The following SLX4IP variants were observed in gnomAD, a reference collection of about 807,000 sequenced individuals.
SLX4IP encodes the protein SLX4 interacting protein, also known as protein SLX4IP.
Under a neutral mutation model 32.9 loss-of-function variants are expected in SLX4IP, and 34 were observed. The ratio of observed to expected loss-of-function variants is 1.03; its 90% CI spans 0.79 to 1.38. The LOEUF is 1.38. Among genes scored for constraint, SLX4IP ranks in the 40% most tolerant of loss-of-function variants. SLX4IP has a pLI of 0.00. For synonymous variants in SLX4IP, 172 were observed against 171.7 expected (o/e 1.00, Z -0.01); for missense variants, 444 against 479.0 (o/e 0.93, Z 0.68).
intron 2 of SLX4IP, among the ~76,000 whole-genome samples, chr20:10,532,199 T>C (rs2065995645): frequency 6.6e-6 from 1 of 152,140 alleles, no homozygotes; most frequent in Non-Finnish European, 1.5e-5. Flanking sequence ...CTTTCATCTG[T>C]ATTTAATTTA....
chr20:10,491,217 G>T (rs941919487), intron 2 of SLX4IP, among the ~76,000 whole-genome samples: 2 of 152,086 alleles, frequency 1.3e-5, no homozygotes, highest in Non-Finnish European at 1.5e-5. Flanking sequence ...TACTTATTTC[G>T]CAGTTTAAAC....
chr20:10,592,622 CTTTTTTTTTTTTTTTTTTTTT>C (rs33995611), intron 4 of SLX4IP, among the ~76,000 whole-genome samples: 1 of 55,136 alleles, frequency 1.8e-5, no homozygotes, highest in Non-Finnish European at 3.0e-5. Context: ...TATTCTTCAT[CTTTTTTTTTTTTTTTTTTTTT>C]TTTTTTTTTG....
At chr20:10,466,116 AAAAG>A (rs2065378492) in intron 2 of SLX4IP, among the ~76,000 whole-genome samples, 1 of 152,210 alleles carries the variant, frequency 6.6e-6, no homozygotes, top group Non-Finnish European at 1.5e-5. Flanking sequence ...AGTAAAATAA[AAAAG>A]AAATCCAAAT....
At chr20:10,569,409 C>A (rs888463477) in intron 4 of SLX4IP, among the ~76,000 whole-genome samples, 2 of 152,128 alleles carry the variant, frequency 1.3e-5, no homozygotes, top group Non-Finnish European at 2.9e-5. Flanking sequence ...TGGTGATCCA[C>A]CCCCTTCGGC....
chr20:10,591,774 G>A (rs1182482919), intron 4 of SLX4IP, among the ~76,000 whole-genome samples: 1 of 152,128 alleles, frequency 6.6e-6, no homozygotes, highest in African/African-American at 2.4e-5. Flanking sequence ...AATGTTAAGG[G>A]CCTTTTTTTA....
intron 1 of SLX4IP, among the ~76,000 whole-genome samples, chr20:10,435,929 C>T (rs2122306296): frequency 6.6e-6 from 1 of 152,338 alleles, no homozygotes; most frequent in South Asian, 2.1e-4. Flanking sequence ...ATGGAGCCTA[C>T]ATTTTATCAC....
chr20:10,526,226 C>A (rs933372368), intron 2 of SLX4IP, among the ~76,000 whole-genome samples: 2 of 152,192 alleles, frequency 1.3e-5, no homozygotes, highest in Non-Finnish European at 2.9e-5. Context: ...ATCTAGATGT[C>A]TATTGAGGTG....
At position 10,560,295 on chromosome 20, in the gene SLX4IP, A is replaced by T. The variant is rs1276442989; in HGVS notation, c.118-405A>T. 3.3e-5 allele frequency among the ~76,000 whole-genome samples: 5 copies of T among 152,216 alleles called. No homozygotes were observed. The East Asian group carries it at 9.6e-4, about 29-fold the overall frequency. On this transcript the variant is annotated intron_variant, in intron 3 of 7. Transcript: ENST00000334534. Reference sequence around the variant, plus strand: ...ACTGGGTGTTTCCCTGGGGCCCTTGATGCCAGCCAGTGTTGGCTCTTCTTG... The same window carrying T: ...ACTGGGTGTTTCCCTGGGGCCCTTGTTGCCAGCCAGTGTTGGCTCTTCTTG...
At chr20:10,621,069 T>C (rs2122572180) in intron 6 of SLX4IP, among the ~76,000 whole-genome samples, 2 of 152,322 alleles carry the variant, frequency 1.3e-5, no homozygotes, top group East Asian at 3.9e-4. Context: ...ATCAACATTA[T>C]TTGCCTTACA....
At chr20:10,436,361 T>C (rs1398932015) in intron 1 of SLX4IP, among the ~76,000 whole-genome samples, 1 of 111,462 alleles carries the variant, frequency 9.0e-6, no homozygotes. Context: ...CCTTTCTTTC[T>C]TTCTTTTTTT....
At chr20:10,475,448 G>A (rs2065468180) in intron 2 of SLX4IP, among the ~76,000 whole-genome samples, 1 of 152,188 alleles carries the variant, frequency 6.6e-6, no homozygotes, top group Admixed American at 6.5e-5. Context: ...TTTATGATAA[G>A]GGAGTGTGAC....
At chr20:10,443,715 C>T (rs74738423) in intron 1 of SLX4IP, among the ~76,000 whole-genome samples, 6 of 152,262 alleles carry the variant, frequency 3.9e-5, no homozygotes, top group African/African-American at 1.2e-4. Flanking sequence ...GAGCAAATCT[C>T]ATGTTGAATT....
At chr20:10,560,398 T>C (rs2066319405) in intron 3 of SLX4IP, among the ~76,000 whole-genome samples, 1 of 152,216 alleles carries the variant, frequency 6.6e-6, no homozygotes, top group Non-Finnish European at 1.5e-5. Flanking sequence ...TATTACCTCC[T>C]TGCCCTGATG....
chr20:10,585,094 T>C (rs1382130931), intron 4 of SLX4IP, among the ~76,000 whole-genome samples: 2 of 152,220 alleles, frequency 1.3e-5, no homozygotes, highest in African/African-American at 4.8e-5. Flanking sequence ...TTTAATTTAA[T>C]GTTTTCCCCT....
At chr20:10,439,503 G>A (rs1448244499) in intron 1 of SLX4IP, among the ~76,000 whole-genome samples, 3 of 152,158 alleles carry the variant, frequency 2.0e-5, no homozygotes, top group African/African-American at 2.4e-5. Flanking sequence ...AGCCACGGGG[G>A]CTGGCCTAAC....
intron 1 of SLX4IP, among the ~76,000 whole-genome samples, chr20:10,451,692 G>GGCAC (rs2065243506): frequency 6.6e-6 from 1 of 152,180 alleles, no homozygotes; most frequent in Non-Finnish European, 1.5e-5. Context: ...AGATTGGCCA[G>GGCAC]GCACGGTGAC....
chr20:10,546,884 G>A (rs2066167653), intron 2 of SLX4IP, among the ~76,000 whole-genome samples: 1 of 152,156 alleles, frequency 6.6e-6, no homozygotes, highest in Admixed American at 6.5e-5. Flanking sequence ...AGGGTCTAAA[G>A]AAATGAAATC....
At chr20:10,536,873 A>G (rs1018304456) in intron 2 of SLX4IP, among the ~76,000 whole-genome samples, 1 of 152,240 alleles carries the variant, frequency 6.6e-6, no homozygotes, top group Non-Finnish European at 1.5e-5. Context: ...GGGTATCCAT[A>G]TCATTTCCCA....
At chr20:10,494,060 G>A (rs1215003653) in intron 2 of SLX4IP, among the ~76,000 whole-genome samples, 1 of 151,346 alleles carries the variant, frequency 6.6e-6, no homozygotes, top group African/African-American at 2.4e-5. Context: ...ATCTCAATAC[G>A]GCATTTAGTA....
Sources: allele counts gnomAD v4.1 joint callset (sites outside exome capture counted in the v4.1 genomes callset), GRCh38; gene constraint gnomAD v4.1.1; transcripts MANE v1.5; gene names NCBI Gene and HGNC (gene_info 2026-07-23, HGNC 2026-07-21).